PLCH1: variants seen among roughly 807,000 people sequenced by gnomAD.
PLCH1 encodes the protein 1-phosphatidylinositol 4,5-bisphosphate phosphodiesterase eta-1.
In PLCH1, 60 loss-of-function variants were observed where a neutral mutation model predicts 126.7. The ratio of observed to expected loss-of-function variants is 0.47; its 90% CI spans 0.38 to 0.59. PLCH1 has a LOEUF of 0.59. Among genes scored for constraint, PLCH1 ranks in the 20% least tolerant of loss-of-function variants. The pLI, the probability that PLCH1 is intolerant of heterozygous loss-of-function variation, is 0.00. For missense variants in PLCH1, 1,723 were observed against 2,040.0 expected (o/e 0.84, Z 2.99); for synonymous variants, 719 against 734.9 (o/e 0.98, Z 0.35).
At position 155,605,977 on chromosome 3, in the gene PLCH1, AAAG is replaced by A. The variant is rs1734300541; in HGVS notation, c.80-9602_80-9600del. Reference sequence around the variant, plus strand: ...AATATCTTCGTGGGAGGGAAAAAAAAAAGAAGGCTTAAAAGCCAAGGGTGTCAG... The same window carrying A: ...AATATCTTCGTGGGAGGGAAAAAAAAAAGGCTTAAAAGCCAAGGGTGTCAG... On this transcript the variant is annotated intron_variant, in intron 2 of 22. Coordinates refer to ENST00000460012, the MANE Select transcript of PLCH1 (RefSeq NM_014996.4). Among the ~76,000 whole-genome samples, 4 of 152,222 alleles carry A rather than the reference AAAG, an allele frequency of 2.6e-5. No homozygotes were observed. The South Asian group carries it at 8.3e-4, about 32-fold the overall frequency.
chr3:155,744,280 C>T (rs1479105613), intron 1 of PLCH1, among the ~76,000 whole-genome samples: 5 of 152,198 alleles, frequency 3.3e-5, no homozygotes, highest in Admixed American at 6.5e-5. Flanking sequence ...CGCTCGGGCG[C>T]TCTTGGTTCT....
chr3:155,648,617 G>A (rs6441005), intron 2 of PLCH1, among the ~76,000 whole-genome samples: 77,510 of 152,150 alleles, frequency 0.51, 22,765 homozygotes, highest in African/African-American at 0.8. Flanking sequence ...TCTAGGTACT[G>A]AGAATACAAT....
chr3:155,598,522 C>G, intron 2 of PLCH1, among the ~76,000 whole-genome samples: 1 of 152,196 alleles, frequency 6.6e-6, no homozygotes, highest in East Asian at 1.9e-4. Flanking sequence ...AAGACTATTT[C>G]ATAAGGTGAA....
Position 155,482,434 on chromosome 3 carries a change from T to A in PLCH1, c.3592A>T (p.Thr1198Ser). Residue 1198 changes from threonine (T) to serine (S), a missense_variant, in exon 23 of 23, where the codon ACC becomes TCC. Coordinates refer to ENST00000460012, the MANE Select transcript of PLCH1 (RefSeq NM_014996.4). ...ISALIGQFDE[T>S]NNQALTVVSH... Reference sequence around the variant, plus strand: ...ACAACTGTGAGAGCCTGATTGTTGGTCTCATCAAACTGGCCAATCAGGGCT... The same window carrying A: ...ACAACTGTGAGAGCCTGATTGTTGGACTCATCAAACTGGCCAATCAGGGCT... 1 of 1,614,130 alleles carries A rather than the reference T, an allele frequency of 6.2e-7. No homozygotes were observed. Among genetic ancestry groups the A allele is most frequent in the South Asian group, 1.1e-5 (1 of 91,072 alleles).
chr3:155,528,088 G>A (rs530584037), intron 10 of PLCH1, among the ~76,000 whole-genome samples: 106 of 152,070 alleles, frequency 7.0e-4, no homozygotes, highest in Admixed American at 1.6e-3. Context: ...GCCAGGCATG[G>A]TGGCAGGCAC....
intron 1 of PLCH1, among the ~76,000 whole-genome samples, chr3:155,733,531 G>A (rs897317516): frequency 2.6e-5 from 4 of 152,120 alleles, no homozygotes; most frequent in African/African-American, 4.8e-5. Flanking sequence ...AGAAGAATAA[G>A]ATTAGACCAT....
At chr3:155,680,073 TA>T (rs1690490769) in intron 2 of PLCH1, among the ~76,000 whole-genome samples, 1 of 151,902 alleles carries the variant, frequency 6.6e-6, no homozygotes, top group South Asian at 2.1e-4. Context: ...AGAAATGCTT[TA>T]AAAAATAAAT....
chr3:155,516,712 T>C (rs1720366429), intron 11 of PLCH1, among the ~76,000 whole-genome samples: 1 of 151,968 alleles, frequency 6.6e-6, no homozygotes, highest in Non-Finnish European at 1.5e-5. Context: ...TGGGGGTAGT[T>C]AATAAAGTTG....
intron 2 of PLCH1, among the ~76,000 whole-genome samples, chr3:155,620,316 G>A (rs11924789): frequency 0.49 from 73,879 of 152,060 alleles, 20,334 homozygotes; most frequent in African/African-American, 0.74. Flanking sequence ...ACATACTAAC[G>A]TATGCACGTA....
At chr3:155,486,313 T>C in intron 21 of PLCH1, 1 of 671,948 alleles carries the variant, frequency 1.5e-6, no homozygotes, top group Non-Finnish European at 2.5e-6. Context: ...ATAAACCCTT[T>C]CTCTTAGTTT....
chr3:155,690,065 A>G (rs939502939), intron 2 of PLCH1, among the ~76,000 whole-genome samples: 2 of 152,044 alleles, frequency 1.3e-5, no homozygotes, highest in African/African-American at 4.8e-5. Flanking sequence ...AAAAAAGAAA[A>G]GAACATACAA....
At chr3:155,534,059 A>G (rs75512099) in intron 10 of PLCH1, among the ~76,000 whole-genome samples, 9,167 of 152,254 alleles carry the variant, frequency 0.06, 577 homozygotes, top group African/African-American at 0.16. Flanking sequence ...CCCATACAAA[A>G]TCCCCACTGG....
At chr3:155,600,602 T>TAAAAAAAA (rs5853725) in intron 2 of PLCH1, among the ~76,000 whole-genome samples, 2 of 128,240 alleles carry the variant, frequency 1.6e-5, no homozygotes, top group Non-Finnish European at 1.6e-5. Flanking sequence ...TTAAGATAGC[T>TAAAAAAAA]AAAAAAAAAA....
chr3:155,651,382 C>T (rs1372791781), intron 2 of PLCH1, among the ~76,000 whole-genome samples: 3 of 151,632 alleles, frequency 2.0e-5, no homozygotes, highest in African/African-American at 7.3e-5. Context: ...AAGAGTAAGA[C>T]AGATATAAGT....
rs142996878 is a variant in PLCH1, at chr3:155,557,998, A to G, written c.1070-3802T>C. ...CTGAAAATCAAGCGAATAAAAGGCC[A>G]TGTAAAAATGTTATCCATTTGATTT... On this transcript the variant is annotated intron_variant, in intron 8 of 22. Coordinates refer to ENST00000460012, the MANE Select transcript of PLCH1 (RefSeq NM_014996.4). Among the ~76,000 whole-genome samples the G allele has an allele frequency of 1.3e-3, 205 of 152,348 alleles. 1 individual carries two copies. In the East Asian group the frequency reaches 0.02, roughly 15 times the overall value.
chr3:155,610,364 G>GAA (rs569174791), intron 2 of PLCH1, among the ~76,000 whole-genome samples: 1,240 of 37,946 alleles, frequency 0.033, 108 homozygotes, highest in African/African-American at 0.088. Flanking sequence ...TGCGTCTGGA[G>GAA]AAAAAAAAAA....
chr3:155,575,224 T>G (rs1560189698), intron 6 of PLCH1, among the ~76,000 whole-genome samples: 1 of 151,938 alleles, frequency 6.6e-6, no homozygotes, highest in Admixed American at 6.6e-5. Context: ...GCAAAAAAGA[T>G]AAAGATACAT....
chr3:155,593,699 T>C (rs359568), intron 4 of PLCH1, among the ~76,000 whole-genome samples: 91,929 of 152,012 alleles, frequency 0.6, 29,147 homozygotes, highest in Middle Eastern at 0.75. Context: ...ATTGTGGAGC[T>C]AGATTCGGTC....
chr3:155,506,088 T>C (rs112521761), intron 12 of PLCH1, among the ~76,000 whole-genome samples: 3 of 152,126 alleles, frequency 2.0e-5, no homozygotes, highest in Non-Finnish European at 4.4e-5. Context: ...GTCACCCTAT[T>C]TAGTAGGAAC....
Sources: allele counts gnomAD v4.1 joint callset (sites outside exome capture counted in the v4.1 genomes callset), GRCh38; gene constraint gnomAD v4.1.1; transcripts MANE v1.5; gene names NCBI Gene and HGNC (gene_info 2026-07-23, HGNC 2026-07-21).